Variants in ARHGEF10L observed in about 807,000 individuals in gnomAD.
ARHGEF10L encodes the protein rho guanine nucleotide exchange factor 10-like protein.
ARHGEF10L carries 69 observed loss-of-function variants against 141.2 expected under a neutral mutation model. The ratio of observed to expected loss-of-function variants is 0.49; its 90% CI spans 0.40 to 0.60. The LOEUF (loss-of-function observed/expected upper bound fraction) is 0.60. Ranked by LOEUF, ARHGEF10L falls within the 20% of genes least tolerant of loss-of-function variation. ARHGEF10L has a pLI of 0.00. For synonymous variants in ARHGEF10L, 711 were observed against 718.5 expected (o/e 0.99, Z 0.17); for missense variants, 1,482 against 1,734.3 (o/e 0.85, Z 2.58).
the ARHGEF10L span, among the ~76,000 whole-genome samples, chr1:17,519,578 A>C: frequency 6.6e-6 from 1 of 152,170 alleles, no homozygotes; most frequent in East Asian, 1.9e-4. Context: ...TCATCCCGCC[A>C]CTGTGTGACA....
chr1:17,696,769 C>A, intron 28 of ARHGEF10L, 79 bp from the exon 29 acceptor site: 4 of 1,372,012 alleles, frequency 2.9e-6, no homozygotes, highest in Non-Finnish European at 2.0e-6. Context: ...CCAGAATGTT[C>A]TCCAGGAGAG....
At chr1:17,526,026 A>G in the ARHGEF10L span, among the ~76,000 whole-genome samples, 2 of 151,894 alleles carry the variant, frequency 1.3e-5, no homozygotes, top group Admixed American at 6.6e-5. Flanking sequence ...AAAGAAAAGA[A>G]AAAAGAAAAC....
At chr1:17,550,940 C>T (rs917159937) in intron 1 of ARHGEF10L, among the ~76,000 whole-genome samples, 8 of 151,994 alleles carry the variant, frequency 5.3e-5, no homozygotes, top group African/African-American at 1.7e-4. Flanking sequence ...TGGGGAGGAT[C>T]GGCCCCTGGT....
chr1:17,648,454 TG>T (rs775636696), intron 21 of ARHGEF10L, 99 bp from the exon 22 acceptor site: 1 of 1,478,158 alleles, frequency 6.8e-7, no homozygotes, highest in Non-Finnish European at 9.2e-7. Flanking sequence ...GCCAGGCTTC[TG>T]GGGCCTGCAG....
rs764956615 is a variant in ARHGEF10L, at chr1:17,626,042, G to T, written c.1404G>T (p.Leu468=). ...PIQRFPQFIL[L]LQDMLKNTPR... ...AGAGGTTCCCACAGTTCATACTCCT[G>T]CTTCAGGTACTGCTCAGGATTCCAG... is the stretch of plus-strand genomic sequence containing the variant. Residue 468 remains leucine, a synonymous_variant, in exon 14 of 29, where the codon CTG becomes CTT. Transcript: ENST00000361221. 2 of 1,613,880 alleles carry T rather than the reference G, an allele frequency of 1.2e-6. No individual in the cohort carries two copies. The highest frequency in any genetic ancestry group is 1.7e-6 in the Non-Finnish European group (2 of 1,179,834).
At chr1:17,695,670 T>C (rs1172966417) in intron 28 of ARHGEF10L, among the ~76,000 whole-genome samples, 1 of 152,160 alleles carries the variant, frequency 6.6e-6, no homozygotes, top group Non-Finnish European at 1.5e-5. Context: ...CATGTGCAAA[T>C]GAATGTGTTC....
At chr1:17,617,748 G>A (rs904250976) in intron 9 of ARHGEF10L, among the ~76,000 whole-genome samples, 1 of 152,142 alleles carries the variant, frequency 6.6e-6, no homozygotes, top group Non-Finnish European at 1.5e-5. Flanking sequence ...GTACAGTGGG[G>A]TGGCTGTCTG....
chr1:17,667,123 CAGG>C (rs1444044148), intron 26 of ARHGEF10L, among the ~76,000 whole-genome samples: 1 of 152,208 alleles, frequency 6.6e-6, no homozygotes, highest in African/African-American at 2.4e-5. Flanking sequence ...TGACTCAGCC[CAGG>C]AGTATACTGG....
chr1:17,538,515 G>C (rs2076614088), upstream of ARHGEF10L, among the ~76,000 whole-genome samples: 2 of 152,058 alleles, frequency 1.3e-5, no homozygotes, highest in Non-Finnish European at 2.9e-5. Flanking sequence ...CCAACAAGTC[G>C]GTGAATAAGA....
chr1:17,628,520 C>G (rs765335018), intron 15 of ARHGEF10L, among the ~76,000 whole-genome samples: 1 of 152,124 alleles, frequency 6.6e-6, no homozygotes, highest in African/African-American at 2.4e-5. Flanking sequence ...CCCCAGCCCC[C>G]CTGTTCACCT....
At chr1:17,514,125 C>CT in the ARHGEF10L span, among the ~76,000 whole-genome samples, 154 of 40,476 alleles carry the variant, frequency 3.8e-3, 15 homozygotes, top group East Asian at 0.017. Context: ...CACCCAGCCT[C>CT]TTTTTTTTTT....
intron 1 of ARHGEF10L, among the ~76,000 whole-genome samples, chr1:17,551,206 T>A (rs769675018): frequency 7.9e-5 from 12 of 152,110 alleles, no homozygotes; most frequent in Non-Finnish European, 1.6e-4. Flanking sequence ...CCAACACATA[T>A]TTACTAAGCA....
chr1:17,569,910 C>T, intron 1 of ARHGEF10L, among the ~76,000 whole-genome samples: 1 of 152,256 alleles, frequency 6.6e-6, no homozygotes, highest in East Asian at 1.9e-4. Context: ...CCCTGTCCCA[C>T]TCCTCCCCTT....
At chr1:17,696,422 G>C (rs2065505789) in intron 28 of ARHGEF10L, among the ~76,000 whole-genome samples, 1 of 152,088 alleles carries the variant, frequency 6.6e-6, no homozygotes, top group Admixed American at 6.5e-5. Context: ...GACAGGTGCT[G>C]GGATGAGGGT....
At chr1:17,659,905 G>A (rs1337140944) in intron 25 of ARHGEF10L, among the ~76,000 whole-genome samples, 8 of 152,218 alleles carry the variant, frequency 5.3e-5, no homozygotes, top group African/African-American at 9.6e-5. Flanking sequence ...ACCAGGCCAC[G>A]TGGAGGAATG....
At chr1:17,669,392 G>C (rs770609411) in intron 26 of ARHGEF10L, among the ~76,000 whole-genome samples, 6 of 152,178 alleles carry the variant, frequency 3.9e-5, no homozygotes, top group African/African-American at 1.2e-4. Flanking sequence ...TGAGTTTTGC[G>C]CTTTACCTAT....
chr1:17,625,790 T>G lies in ARHGEF10L; in HGVS notation c.1318-166T>G, dbSNP rs550586640. ...GGGGCACTGGTGGGAGAGGGATCCC[T>G]GGCTGCAGAACCACGGACCTCTCTC... On this transcript the variant is annotated intron_variant, in intron 13 of 28. Coordinates refer to ENST00000361221, the MANE Select transcript of ARHGEF10L (RefSeq NM_018125.4). The surrounding 1 kb of genome is among the most constrained non-coding windows in gnomAD (Gnocchi z 4.5). Among the ~76,000 whole-genome samples the G allele has an allele frequency of 6.6e-6, 1 of 152,246 alleles. No individual in the cohort carries two copies. The highest frequency in any genetic ancestry group is 1.9e-4 in the East Asian group (1 of 5,168).
chr1:17,681,017 C>T (rs1363034905), intron 26 of ARHGEF10L, among the ~76,000 whole-genome samples: 1 of 152,146 alleles, frequency 6.6e-6, no homozygotes, highest in Non-Finnish European at 1.5e-5. Context: ...AAGTGATCCA[C>T]CCATCTTAGC....
At chr1:17,534,882 C>T (rs926008823), upstream of ARHGEF10L, among the ~76,000 whole-genome samples, 4 of 152,082 alleles carry the variant, frequency 2.6e-5, no homozygotes, top group Admixed American at 6.5e-5. Flanking sequence ...AGCCACCATG[C>T]CGGGCCACTT....
Sources: gnomAD v4.1 joint callset for allele counts (sites outside exome capture counted in the v4.1 genomes callset) on GRCh38, gnomAD v4.1.1 for gene constraint, Gnocchi (gnomAD v3.1) non-coding constraint, MANE v1.5 for transcripts, NCBI Gene and HGNC (gene_info 2026-07-23, HGNC 2026-07-21) for gene names.